Variants in FHIP2B observed in about 807,000 individuals in gnomAD.
The protein encoded by FHIP2B is FHF complex subunit HOOK-interacting protein 2B.
In FHIP2B, 72 loss-of-function variants were observed where a neutral mutation model predicts 84.0. That is an observed-to-expected ratio of 0.86 (90% CI 0.71 to 1.04). The LOEUF is 1.04. Among genes scored for constraint, FHIP2B ranks in the 50% least tolerant of loss-of-function variants. The pLI is 0.00. For synonymous variants in FHIP2B, 497 were observed against 418.7 expected (o/e 1.19, Z -2.28); for missense variants, 972 against 968.9 (o/e 1.00, Z -0.04).
At chr8:22,090,885 TG>T (rs1825455047) in intron 1 of FHIP2B, among the ~76,000 whole-genome samples, 1 of 152,148 alleles carries the variant, frequency 6.6e-6, no homozygotes, top group Non-Finnish European at 1.5e-5. Context: ...CCCAAAGTGG[TG>T]GGATTACAGG....
At position 22,100,903 on chromosome 8, in the gene FHIP2B, C is replaced by G; in HGVS notation, c.1547C>G (p.Pro516Arg). 2 of 1,613,924 alleles carry G rather than the reference C, an allele frequency of 1.2e-6. No homozygotes were observed. Residue 516 changes from proline (P) to arginine (R), a missense_variant, in exon 12 of 17, where the codon CCC (proline) becomes CGC (arginine). By Grantham distance (103) the Pro-to-Arg change is moderately radical. Transcript: ENST00000289921. ...DSFLDSGFQT[P>R]AKPRLAPATS... ...TTCCTGGATTCCGGCTTTCAAACTC[C>G]CGCAAAGCCTCGCCTAGCTCCTGCT... is the stretch of plus-strand genomic sequence containing the variant.
In FHIP2B at chr8:22,102,514, G is replaced by A. The variant is rs770307509; in HGVS notation, c.1993-14G>A. On this transcript the variant is annotated splice_polypyrimidine_tract_variant and intron_variant, in intron 15 of 16. Transcript: ENST00000289921. Reference sequence around the variant, plus strand: ...TGCTGGCCCCATCTGAGTCCCCTGTGATTCCCGCTGTAGGTGATCGGGGAC... The same window carrying A: ...TGCTGGCCCCATCTGAGTCCCCTGTAATTCCCGCTGTAGGTGATCGGGGAC... 17 of 1,553,076 alleles carry A rather than the reference G, an allele frequency of 1.1e-5. No individual in the cohort carries two copies. The South Asian group carries it at 2.0e-4, about 18-fold the overall frequency.
intron 1 of FHIP2B, among the ~76,000 whole-genome samples, chr8:22,092,565 CT>C (rs11393768): frequency 7.3e-5 from 9 of 123,990 alleles, no homozygotes; most frequent in Admixed American, 2.6e-4. Flanking sequence ...CGGTGAGACT[CT>C]TTTTTTTTTT....
At chr8:22,089,983 G>C (rs1434769012) in intron 1 of FHIP2B, 1 of 483,408 alleles carries the variant, frequency 2.1e-6, no homozygotes, top group Non-Finnish European at 3.4e-6. Flanking sequence ...CCCGTGGTGG[G>C]GCCTGGGTGG....
rs1194456183 is a variant in FHIP2B at position 22,098,658 on chromosome 8, G to A, written c.965+39G>A. 2.0e-6 allele frequency: 3 copies of A among 1,498,124 alleles called. 1 individual carries two copies. Among genetic ancestry groups the A allele is most frequent in the Middle Eastern group, 3.6e-4 (2 of 5,570 alleles). The allele number at this position is 1,498,124 out of a possible 1,614,324, so 92.8% of individuals were successfully genotyped here. On this transcript the variant is annotated intron_variant, in intron 7 of 16. Coordinates refer to ENST00000289921, the MANE Select transcript of FHIP2B (RefSeq NM_022749.7). Reference sequence around the variant, plus strand: ...CCGGGAAGGCCGGCCAGCATCTTCAGTTGCTGGCAGCCCTGCCTGTCTTTG... The same window carrying A: ...CCGGGAAGGCCGGCCAGCATCTTCAATTGCTGGCAGCCCTGCCTGTCTTTG...
intron 3 of FHIP2B, chr8:22,096,999 G>A (rs993410698): frequency 2.8e-5 from 5 of 176,652 alleles, no homozygotes; most frequent in South Asian, 2.9e-4. Flanking sequence ...AACTGTTATC[G>A]TGAGACCGCA....
In FHIP2B at chr8:22,100,725, C is replaced by T. The variant is rs765633375; in HGVS notation, c.1473C>T (p.Ser491=). ...YVAWGSPEPE[S]YEDTLDLEED... ...CCTGGGGCTCACCAGAGCCTGAGAG[C>T]TATGAGGACACCCTGTAAGTGAAAC... The change falls in exon 11 of 17, where the codon AGC becomes AGT. Residue 491 remains serine, a synonymous_variant. Coordinates refer to ENST00000289921, the MANE Select transcript of FHIP2B (RefSeq NM_022749.7). 4 of 1,604,186 alleles carry T rather than the reference C, an allele frequency of 2.5e-6. No homozygotes were observed. The highest frequency in any genetic ancestry group is 3.4e-6 in the Non-Finnish European group (4 of 1,174,084).
intron 1 of FHIP2B, among the ~76,000 whole-genome samples, chr8:22,090,423 T>G (rs1825427893): frequency 6.6e-6 from 1 of 152,222 alleles, no homozygotes; most frequent in Non-Finnish European, 1.5e-5. Flanking sequence ...GCCCTGCTGT[T>G]GACCCAGGGC....
Position 22,100,648 on chromosome 8 carries a change from G to T in FHIP2B, c.1396G>T (p.Gly466Trp). The change falls in exon 11 of 17, where the codon GGG becomes TGG. Residue 466 changes from glycine (G) to tryptophan (W), a missense_variant. Transcript: ENST00000289921. ...FEELLQKPHE[G>W]IIHSLVLRNL... Reference sequence around the variant, plus strand: ...GGAGCTGCTGCAGAAGCCCCACGAGGGGATCATCCACAGCCTGGTCCTGCG... The same window carrying T: ...GGAGCTGCTGCAGAAGCCCCACGAGTGGATCATCCACAGCCTGGTCCTGCG... 1 of 1,601,604 alleles carries T rather than the reference G, an allele frequency of 6.2e-7. No homozygotes were observed. Among genetic ancestry groups the T allele is most frequent in the Non-Finnish European group, 8.5e-7 (1 of 1,173,502 alleles).
At chr8:22,098,798 G>A in intron 7 of FHIP2B, 150 bp from the exon 8 acceptor site, 1 of 927,478 alleles carries the variant, frequency 1.1e-6, no homozygotes, top group Non-Finnish European at 1.6e-6. Context: ...TACTGGTTTT[G>A]CTGCCTCTGT....
At chr8:22,098,907 CCTT>C (rs773123622) in intron 7 of FHIP2B, 38 bp from the exon 8 acceptor site, 19 of 1,508,790 alleles carry the variant, frequency 1.3e-5, no homozygotes, top group African/African-American at 1.2e-4. Context: ...CCTTGAAGCT[CCTT>C]CTCCACTCTC....
chr8:22,089,432 G>A, intron 1 of FHIP2B, 134 bp downstream of exon 1: 1 of 361,818 alleles, frequency 2.8e-6, no homozygotes, highest in South Asian at 1.1e-4. Flanking sequence ...CCCGGGCCGC[G>A]GCGCCCCTTC....
At chr8:22,096,574 G>A (rs761297367) in intron 3 of FHIP2B, 65 bp downstream of exon 3, 67 of 1,432,438 alleles carry the variant, frequency 4.7e-5, no homozygotes, top group Non-Finnish European at 5.8e-5. Flanking sequence ...TGGCCAGGCC[G>A]AGGTGGGAGG....
chr8:22,094,087 C>T (rs2309308), intron 1 of FHIP2B, among the ~76,000 whole-genome samples: 65,192 of 151,876 alleles, frequency 0.43, 14,726 homozygotes, highest in East Asian at 0.6. Context: ...CCTCTATGTG[C>T]CTCTACTGTA....
chr8:22,090,698 C>T (rs879525061), intron 1 of FHIP2B, among the ~76,000 whole-genome samples: 1 of 152,158 alleles, frequency 6.6e-6, no homozygotes, highest in Non-Finnish European at 1.5e-5. Context: ...GATCTCCGCT[C>T]ATTGCAGCCT....
At chr8:22,093,482 TAGA>T (rs1280170128) in intron 1 of FHIP2B, among the ~76,000 whole-genome samples, 1 of 152,020 alleles carries the variant, frequency 6.6e-6, no homozygotes, top group African/African-American at 2.4e-5. Context: ...CAGGGCTTGA[TAGA>T]AGGAGCCGGT....
intron 1 of FHIP2B, among the ~76,000 whole-genome samples, chr8:22,091,835 C>G (rs1006249612): frequency 1.3e-5 from 2 of 152,170 alleles, no homozygotes; most frequent in Admixed American, 6.5e-5. Flanking sequence ...AGAGGACTTT[C>G]TAAAACAAGG....
At chr8:22,091,701 G>C (rs994704606) in intron 1 of FHIP2B, among the ~76,000 whole-genome samples, 1 of 152,142 alleles carries the variant, frequency 6.6e-6, no homozygotes, top group Non-Finnish European at 1.5e-5. Context: ...GTCTCCTGCC[G>C]TACTGGAGTA....
chr8:22,096,060 C>G (rs977461565), intron 2 of FHIP2B: 45 of 348,454 alleles, frequency 1.3e-4, no homozygotes, highest in Non-Finnish European at 2.3e-4. Flanking sequence ...TGTACCCATC[C>G]TAGGGTTTGA....
Sources: gnomAD v4.1 joint callset for allele counts (sites outside exome capture counted in the v4.1 genomes callset) on GRCh38, gnomAD v4.1.1 for gene constraint, MANE v1.5 for transcripts, NCBI Gene and HGNC (gene_info 2026-07-23, HGNC 2026-07-21) for gene names.